The following GRID2 variants were observed in gnomAD, a reference collection of about 807,000 sequenced individuals.
GRID2 encodes glutamate receptor ionotropic, delta-2.
Under a neutral mutation model 114.8 loss-of-function variants are expected in GRID2, and 33 were observed. The ratio of observed to expected loss-of-function variants is 0.29; its 90% CI spans 0.22 to 0.38. GRID2 has a LOEUF of 0.38. Ranked by LOEUF, GRID2 falls within the 10% of genes least tolerant of loss-of-function variation. GRID2 has a pLI of 1.00. For synonymous variants in GRID2, 505 were observed against 449.9 expected, an observed-to-expected ratio of 1.12 and a Z score of -1.55; for missense variants, 1,184 against 1,257.7, an observed-to-expected ratio of 0.94 and a Z score of 0.89.
At chr4:93,787,583 A>G (rs989871153) in intron 1 of GRID2, among the ~76,000 whole-genome samples, 62 of 152,124 alleles carry the variant, frequency 4.1e-4, no homozygotes, top group African/African-American at 1.4e-3. Flanking sequence ...AGCACAGGAC[A>G]CCTTCTACCA....
chr4:92,801,795 T>C lies in GRID2; in HGVS notation c.244+211509T>C, dbSNP rs1740184552. ...CTGGTGCCTTACATTTATTAACTCA[T>C]AATACTCATAACAAACCCAAAAGTT... On this transcript the variant is annotated intron_variant, in intron 2 of 15. Coordinates refer to ENST00000282020, the MANE Select transcript of GRID2 (RefSeq NM_001510.4). Among the ~76,000 whole-genome samples the C allele has an allele frequency of 2.0e-5, 3 of 151,912 alleles. No homozygotes were observed. In the South Asian group the frequency reaches 6.2e-4, roughly 31 times the overall value.
chr4:93,269,131 T>C (rs1389857049), intron 8 of GRID2, among the ~76,000 whole-genome samples: 3 of 152,186 alleles, frequency 2.0e-5, no homozygotes, highest in Non-Finnish European at 4.4e-5. Flanking sequence ...TATTAAATGC[T>C]AGGAAGACTA....
intron 13 of GRID2, among the ~76,000 whole-genome samples, chr4:93,613,858 C>T (rs1741269718): frequency 6.6e-6 from 1 of 151,864 alleles, no homozygotes; most frequent in South Asian, 2.1e-4. Flanking sequence ...AGCTTCCAGG[C>T]TGCTTTGTTT....
At chr4:92,351,524 T>A (rs1319014741) in intron 1 of GRID2, among the ~76,000 whole-genome samples, 2 of 151,838 alleles carry the variant, frequency 1.3e-5, no homozygotes, top group Non-Finnish European at 2.9e-5. Context: ...CAACATCCTC[T>A]CTTCTAGCTA....
intron 2 of GRID2, among the ~76,000 whole-genome samples, chr4:92,731,298 C>T (rs1248839669): frequency 6.6e-6 from 1 of 151,518 alleles, no homozygotes; most frequent in Non-Finnish European, 1.5e-5. Context: ...GGAAAACCTA[C>T]TGTCGGGTAA....
At chr4:93,765,800 T>C (rs1733618597) in intron 14 of GRID2, among the ~76,000 whole-genome samples, 1 of 151,420 alleles carries the variant, frequency 6.6e-6, no homozygotes, top group South Asian at 2.1e-4. Context: ...AAGGAATAAA[T>C]GAACATGAAT....
At chr4:92,528,271 T>C (rs1725140826) in intron 1 of GRID2, among the ~76,000 whole-genome samples, 1 of 147,738 alleles carries the variant, frequency 6.8e-6, no homozygotes, top group Non-Finnish European at 1.5e-5. Flanking sequence ...TTACTTGGGT[T>C]ATGAATATAT....
chr4:92,676,169 C>A (rs12648348), intron 2 of GRID2, among the ~76,000 whole-genome samples: 6 of 85,726 alleles, frequency 7.0e-5, no homozygotes, highest in Admixed American at 4.1e-4. Context: ...CCCCCCCCCC[C>A]CTTTTTTTTT....
chr4:93,324,442 A>G (rs1438468679), intron 8 of GRID2, among the ~76,000 whole-genome samples: 1 of 152,142 alleles, frequency 6.6e-6, no homozygotes, highest in Non-Finnish European at 1.5e-5. Flanking sequence ...GTTTGCCAGT[A>G]TTTTATTGAG....
chr4:92,848,145 A>G (rs1169184187), intron 2 of GRID2, among the ~76,000 whole-genome samples: 1 of 151,928 alleles, frequency 6.6e-6, no homozygotes, highest in Non-Finnish European at 1.5e-5. Flanking sequence ...GATGTAACAC[A>G]AACAGCTCGA....
rs1384660237 is a variant in GRID2 at position 92,492,150 on chromosome 4, TA to T, written c.89-97976del. Among the ~76,000 whole-genome samples the T allele has an allele frequency of 2.6e-5, 4 of 152,284 alleles. No homozygotes were observed. The East Asian group carries it at 7.7e-4, about 29-fold the overall frequency. ...TAAATGTGGAAGATTATTCTCCTAT[TA>T]AAAAGTAAACAGAGTCTTTGAATCT... On this transcript the variant is annotated intron_variant, in intron 1 of 15. Transcript: ENST00000282020.
chr4:92,449,712 A>ATATATATATAG (rs1383896886), intron 1 of GRID2, among the ~76,000 whole-genome samples: 1 of 67,680 alleles, frequency 1.5e-5, no homozygotes. Flanking sequence ...TATATATATA[A>ATATATATATAG]CACTTAAGCC....
At chr4:93,485,644 A>G (rs67729713) in intron 11 of GRID2, among the ~76,000 whole-genome samples, 25,782 of 151,638 alleles carry the variant, frequency 0.17, 2,306 homozygotes, top group Middle Eastern at 0.21. Context: ...CCCTTTCTCT[A>G]TAGTACATAC....
At chr4:92,713,153 C>A (rs1045414710) in intron 2 of GRID2, among the ~76,000 whole-genome samples, 7 of 150,020 alleles carry the variant, frequency 4.7e-5, no homozygotes, top group Non-Finnish European at 8.9e-5. Flanking sequence ...CCGCTCCCCC[C>A]ACCCCACAAC....
intron 2 of GRID2, among the ~76,000 whole-genome samples, chr4:92,863,452 T>G (rs940853275): frequency 2.6e-5 from 4 of 152,092 alleles, no homozygotes; most frequent in African/African-American, 9.7e-5. Context: ...GCAACTAGAA[T>G]GACAAAAGTG....
chr4:92,849,682 T>C (rs936523481), intron 2 of GRID2, among the ~76,000 whole-genome samples: 1 of 151,848 alleles, frequency 6.6e-6, no homozygotes, highest in Non-Finnish European at 1.5e-5. Context: ...AGTCTAAAAA[T>C]CACTTATATT....
intron 2 of GRID2, among the ~76,000 whole-genome samples, chr4:92,662,681 A>C (rs1011938186): frequency 6.6e-6 from 1 of 151,206 alleles, no homozygotes; most frequent in Admixed American, 6.6e-5. Context: ...CAGAGCATAC[A>C]AACTGGGAAA....
At chr4:93,709,555 T>A (rs1479481776) in intron 14 of GRID2, among the ~76,000 whole-genome samples, 1 of 152,188 alleles carries the variant, frequency 6.6e-6, no homozygotes, top group Admixed American at 6.5e-5. Flanking sequence ...TGCCTTGAGG[T>A]AGTATTCTTT....
chr4:93,791,748 T>A (rs1289044347), intron 1 of GRID2, among the ~76,000 whole-genome samples: 5 of 152,180 alleles, frequency 3.3e-5, no homozygotes, highest in Admixed American at 3.3e-4. Flanking sequence ...CCTCCTCTAG[T>A]ACAGACTGAC....
Sources: allele counts gnomAD v4.1 joint callset (sites outside exome capture counted in the v4.1 genomes callset), GRCh38; gene constraint gnomAD v4.1.1; transcripts MANE v1.5; gene names NCBI Gene and HGNC (gene_info 2026-07-23, HGNC 2026-07-21).